ADH4: variants seen among roughly 807,000 people sequenced by gnomAD.
ADH4 encodes the protein all-trans-retinol dehydrogenase [NAD(+)] ADH4.
Under a neutral mutation model 35.2 loss-of-function variants are expected in ADH4, and 31 were observed. The observed-to-expected ratio is 0.88, with a 90% CI of 0.66 to 1.19. ADH4 has a LOEUF of 1.19. Ranked by LOEUF, ADH4 falls within the 50% of genes most tolerant of loss-of-function variation. The pLI, the probability that ADH4 is intolerant of heterozygous loss-of-function variation, is 0.00. For synonymous variants in ADH4, 171 were observed against 160.2 expected, an observed-to-expected ratio of 1.07 and a Z score of -0.51; for missense variants, 476 against 458.3, an observed-to-expected ratio of 1.04 and a Z score of -0.35.
chr4:99,131,840 G>T (rs565339150), intron 5 of ADH4, 76 bp from the exon 6 acceptor site: 9 of 1,475,040 alleles, frequency 6.1e-6, no homozygotes, highest in Non-Finnish European at 8.2e-6. Context: ...TCAGGAGGAA[G>T]TGGGGGCATG....
In ADH4 at chr4:99,141,561, C is replaced by T; in HGVS notation, c.242G>A (p.Gly81Glu). 8 of 1,614,004 alleles carry T rather than the reference C, an allele frequency of 5.0e-6. No individual in the cohort carries two copies. The highest frequency in any genetic ancestry group is 6.8e-6 in the Non-Finnish European group (8 of 1,179,976). Residue 81 changes from glycine to glutamate, a missense_variant, in exon 3 of 9, where the codon GGA becomes GAA. Physicochemically the swap from Gly to Glu is moderately conservative, Grantham distance 98. Transcript: ENST00000265512. Reference protein sequence around the residue: ...AAGIVESIGPGVTNVKPGDKV... With the variant: ...AAGIVESIGPEVTNVKPGDKV... ...AATACCTGGTTTGACGTTGGTCACT[C>T]CTGGCCCAATACTTTCCACAATACC...
At chr4:99,138,942 A>G in intron 4 of ADH4, 119 bp downstream of exon 4, 1 of 658,914 alleles carries the variant, frequency 1.5e-6, no homozygotes, top group East Asian at 2.8e-5. Context: ...GTACACACCT[A>G]GGATTAGAAT....
rs749168437 is a variant in ADH4 at position 99,136,610 on chromosome 4, G to C, written c.438C>G (p.Phe146Leu). The change falls in exon 5 of 9, where the codon TTC becomes TTG. Residue 146 changes from phenylalanine to leucine, a missense_variant. By Grantham distance (22) the Phe-to-Leu change is conservative. Transcript: ENST00000265512. ...ACTGAGAGAATGTACTGGTTCCAAA[G>C]AAATGGTAAACTGGTTTTCCTTTGC... The part of the protein sequence containing the change: ...FTCKGKPVYH[F>L]FGTSTFSQYT... 23 of 1,613,994 alleles carry C rather than the reference G, an allele frequency of 1.4e-5. No individual in the cohort carries two copies. The highest frequency in any genetic ancestry group is 5.0e-5 in the Admixed American group (3 of 60,002).
intron 2 of ADH4, 135 bp from the exon 3 acceptor site, chr4:99,141,817 G>GA (rs1235082400): frequency 2.7e-5 from 21 of 776,766 alleles, no homozygotes; most frequent in Non-Finnish European, 2.4e-5. Flanking sequence ...ATCACCTTTT[G>GA]AAAAAAGAAC....
intron 5 of ADH4, chr4:99,133,600 ATC>A (rs1350043209): frequency 1.3e-5 from 2 of 151,810 alleles, no homozygotes; most frequent in Non-Finnish European, 1.5e-5. Flanking sequence ...AGCAGCTAGA[ATC>A]TCTTCCTTAA....
At chr4:99,140,053 G>T (rs571119226) in intron 3 of ADH4, among the ~76,000 whole-genome samples, 23 of 152,288 alleles carry the variant, frequency 1.5e-4, no homozygotes, top group Admixed American at 7.8e-4. Flanking sequence ...GTATCTGGAG[G>T]ATCTGTTGTA....
intron 2 of ADH4, 142 bp from the exon 3 acceptor site, chr4:99,141,824 G>A: frequency 2.7e-6 from 2 of 749,322 alleles, no homozygotes; most frequent in South Asian, 8.0e-5. Flanking sequence ...TTTGAAAAAA[G>A]AACCAATAAA....
intron 8 of ADH4, among the ~76,000 whole-genome samples, chr4:99,125,790 T>C (rs763714140): frequency 2.0e-5 from 3 of 152,358 alleles, no homozygotes; most frequent in Non-Finnish European, 2.9e-5. Flanking sequence ...CTTCTTCTTC[T>C]GCAACATTTA....
At chr4:99,143,732 C>T (rs1295544856) in intron 1 of ADH4, among the ~76,000 whole-genome samples, 5 of 151,988 alleles carry the variant, frequency 3.3e-5, no homozygotes, top group African/African-American at 1.2e-4. Flanking sequence ...ATGCCAAGGC[C>T]TATCAAGTTT....
chr4:99,127,221 T>C lies in ADH4; in HGVS notation c.967A>G (p.Thr323Ala), dbSNP rs764147461. The C allele has an allele frequency of 5.0e-6, 8 of 1,601,642 alleles. No individual in the cohort carries two copies. In the Admixed American group the frequency reaches 1.4e-4, roughly 28 times the overall value. The change falls in exon 7 of 9, where the codon ACA becomes GCA. Residue 323 changes from threonine (T) to alanine (A), a missense_variant. Physicochemically the swap from Thr to Ala is moderately conservative, Grantham distance 58 (BLOSUM62 0). Coordinates refer to ENST00000265512, the MANE Select transcript of ADH4 (RefSeq NM_000670.5). ...AAAAAAAACTGACCACCAAAGAATG[T>C]TCCATTTATAGTACGGCCGATTATT... ...ELIIGRTING[T>A]FFGGWKSVDS...
intron 6 of ADH4, among the ~76,000 whole-genome samples, chr4:99,129,565 C>G (rs1168895356): frequency 6.6e-6 from 1 of 152,136 alleles, no homozygotes; most frequent in Non-Finnish European, 1.5e-5. Context: ...TAACCTGTTT[C>G]TTTTGAAAAC....
At chr4:99,124,519 C>A in intron 8 of ADH4, 53 bp from the exon 9 acceptor site, 4 of 1,153,732 alleles carry the variant, frequency 3.5e-6, no homozygotes, top group Admixed American at 2.3e-5. Flanking sequence ...TAAATTTAAC[C>A]AAAGCTCACA....
Position 99,136,553 on chromosome 4 carries a change from T to G in ADH4, c.495A>C (p.Lys165Asn), listed in dbSNP as rs373730331. 1.2e-6 allele frequency: 2 copies of G among 1,614,178 alleles called. No individual in the cohort carries two copies. Among genetic ancestry groups the G allele is most frequent in the African/African-American group, 2.7e-5 (2 of 75,064 alleles). The change falls in exon 5 of 9, where the codon AAA (lysine) becomes AAC (asparagine). Residue 165 changes from lysine to asparagine, a missense_variant. Physicochemically the swap from Lys to Asn is moderately conservative, Grantham distance 94 (BLOSUM62 0). Transcript: ENST00000265512. ...YTVVSDINLA[K>N]IDDDANLERV... The stretch of plus-strand genomic sequence containing the variant: ...TCTCTAAATTTGCATCATCATCTAT[T>G]TTGGCAAGATTGATATCTGACACCA...
intron 7 of ADH4, 98 bp downstream of exon 7, chr4:99,127,111 G>T: frequency 9.9e-7 from 1 of 1,011,054 alleles, no homozygotes; most frequent in South Asian, 1.9e-5. Context: ...TTCAATGGTT[G>T]AATAAATTAT....
chr4:99,124,466 G>T lies in ADH4; in HGVS notation c.1119C>A (p.Ser373Arg). The T allele has an allele frequency of 1.4e-6, 2 of 1,459,354 alleles. No homozygotes were observed. The highest frequency in any genetic ancestry group is 1.8e-5 in the Admixed American group (1 of 55,530). 90.4% of individuals were successfully genotyped at this position (1,459,354 alleles called of 1,614,324 possible). Reference sequence around the variant, plus strand: ...TTCAAAAGATGAGGATTGTTCGGACGCTGTTAATAACAATAAAACATTAAT... The same window carrying T: ...TTCAAAAGATGAGGATTGTTCGGACTCTGTTAATAACAATAAAACATTAAT... ...EAFDLMNQGK[S>R]VRTILIF Residue 373 changes from serine to arginine, a missense_variant and splice_region_variant, in exon 9 of 9, where the codon AGC becomes AGA. Physicochemically the swap from Ser to Arg is moderately radical, Grantham distance 110 (BLOSUM62 -1). Coordinates refer to ENST00000265512, the MANE Select transcript of ADH4 (RefSeq NM_000670.5).
intron 8 of ADH4, 66 bp downstream of exon 8, chr4:99,126,528 A>G: frequency 1.3e-6 from 2 of 1,501,814 alleles, no homozygotes; most frequent in South Asian, 1.3e-5. Flanking sequence ...GCTTCTTAAC[A>G]TCAAAAAGAA....
At chr4:99,125,607 C>A (rs1729063277) in intron 8 of ADH4, among the ~76,000 whole-genome samples, 1 of 152,164 alleles carries the variant, frequency 6.6e-6, no homozygotes, top group African/African-American at 2.4e-5. Flanking sequence ...GGCTTATATA[C>A]TAAGTTTACA....
intron 8 of ADH4, among the ~76,000 whole-genome samples, chr4:99,125,923 T>C (rs1298805793): frequency 2.6e-5 from 4 of 152,240 alleles, no homozygotes; most frequent in South Asian, 2.1e-4. Flanking sequence ...TTGTTCCTAA[T>C]GTTTTTGACC....
At chr4:99,125,961 T>G (rs1158989385) in intron 8 of ADH4, among the ~76,000 whole-genome samples, 1 of 151,824 alleles carries the variant, frequency 6.6e-6, no homozygotes, top group Non-Finnish European at 1.5e-5. Context: ...AGGCTGTGCT[T>G]GAACATTTTA....
Sources: allele counts gnomAD v4.1 joint callset (sites outside exome capture counted in the v4.1 genomes callset), GRCh38; gene constraint gnomAD v4.1.1; transcripts MANE v1.5; gene names NCBI Gene and HGNC (gene_info 2026-07-23, HGNC 2026-07-21).